Variants in SHC3 observed in about 807,000 individuals in gnomAD.
The protein encoded by SHC3 is SHC adaptor protein 3, also known as SHC-transforming protein 3.
A neutral mutation model predicts 60.4 loss-of-function variants in SHC3; 15 were observed. The observed-to-expected ratio is 0.25, with a 90% CI of 0.17 to 0.38. The LOEUF (loss-of-function observed/expected upper bound fraction) is 0.38. Among genes scored for constraint, SHC3 ranks in the 10% least tolerant of loss-of-function variants. The pLI is 1.00. For missense variants in SHC3, 677 were observed against 786.1 expected, an observed-to-expected ratio of 0.86 and a Z score of 1.66; for synonymous variants, 294 against 325.9, an observed-to-expected ratio of 0.90 and a Z score of 1.05.
intron 11 of SHC3, among the ~76,000 whole-genome samples, chr9:89,036,405 T>C (rs1445725396): frequency 1.3e-5 from 2 of 152,202 alleles, no homozygotes; most frequent in Non-Finnish European, 2.9e-5. Flanking sequence ...TGCGCCTTAG[T>C]AGCTCAGCCA....
At chr9:89,121,392 G>C (rs1412804604) in intron 1 of SHC3, among the ~76,000 whole-genome samples, 1 of 152,084 alleles carries the variant, frequency 6.6e-6, no homozygotes, top group Non-Finnish European at 1.5e-5. Flanking sequence ...CCGGGTTCAA[G>C]CGATTCTCCT....
At position 89,005,977 on chromosome 9, in the gene SHC3, G is replaced by A. The variant is rs961804893; in HGVS notation, c.*7470C>T. 21 of 152,294 alleles carry A rather than the reference G, an allele frequency of 1.4e-4. No individual in the cohort carries two copies. The highest frequency in any genetic ancestry group is 5.1e-4 in the African/African-American group (21 of 41,554). 9.4% of individuals were successfully genotyped at this position (152,294 alleles called of 1,614,324 possible). A position where few individuals can be genotyped will look rare whatever the true frequency, so the allele number is the denominator to read the frequency against. ...TCATGCTTTTAAGTTGTATCTACAA[G>A]TGCAAAACTGCAACACCCAAATGTT... On this transcript the variant is annotated 3_prime_UTR_variant, in exon 12 of 12. Coordinates refer to ENST00000375835, the MANE Select transcript of SHC3 (RefSeq NM_016848.6).
chr9:89,161,251 C>G (rs1009780515), intron 1 of SHC3, among the ~76,000 whole-genome samples: 4 of 152,174 alleles, frequency 2.6e-5, no homozygotes, highest in African/African-American at 9.7e-5. Flanking sequence ...CCCCACTGTG[C>G]TGTTCTGGCG....
At chr9:89,110,536 G>C in intron 2 of SHC3, 1 of 874,924 alleles carries the variant, frequency 1.1e-6, no homozygotes, top group Non-Finnish European at 1.4e-6. Context: ...AGACATTGCT[G>C]TGTATTCTTC....
intron 11 of SHC3, among the ~76,000 whole-genome samples, chr9:89,019,174 A>T (rs1826157306): frequency 6.6e-6 from 1 of 152,130 alleles, no homozygotes; most frequent in African/African-American, 2.4e-5. Context: ...TCACCACTCC[A>T]TTTCAATATC....
chr9:89,133,214 A>G (rs1041633946), intron 1 of SHC3, among the ~76,000 whole-genome samples: 12 of 152,236 alleles, frequency 7.9e-5, no homozygotes, highest in African/African-American at 1.4e-4. Context: ...CAATGAGATA[A>G]CATCTCACAC....
intron 1 of SHC3, among the ~76,000 whole-genome samples, chr9:89,132,862 G>A (rs1406911547): frequency 6.6e-6 from 1 of 152,170 alleles, no homozygotes; most frequent in Non-Finnish European, 1.5e-5. Flanking sequence ...AGGACTTCAT[G>A]TCTAAAACAC....
At chr9:89,054,756 C>T (rs1824921360) in intron 6 of SHC3, among the ~76,000 whole-genome samples, 1 of 152,232 alleles carries the variant, frequency 6.6e-6, no homozygotes, top group South Asian at 2.1e-4. Flanking sequence ...TCAATGTAAA[C>T]AAGGTCAGCA....
At chr9:89,177,233 C>T (rs1308761881) in intron 1 of SHC3, among the ~76,000 whole-genome samples, 1 of 152,228 alleles carries the variant, frequency 6.6e-6, no homozygotes, top group Non-Finnish European at 1.5e-5. Flanking sequence ...ATTTTATTGA[C>T]TACATCGTGA....
chr9:89,028,779 GATATAGAGAGATATAGAGAGATCAT>G (rs1824419036), intron 11 of SHC3, among the ~76,000 whole-genome samples: 1 of 142,526 alleles, frequency 7.0e-6, no homozygotes, highest in Admixed American at 7.0e-5. Flanking sequence ...TCTCTATATA[GATATAGAGAGATATAGAGAGATCAT>G]CTATATCTAT....
Position 89,071,184 on chromosome 9 carries a change from C to T in SHC3, c.783+15G>A, listed in dbSNP as rs1483699873. ...TTCCCAACAAGAGCAAGAGACCAAC[C>T]CCAAGGGTACTTACCGGGTCTCCCC... is the stretch of plus-strand genomic sequence containing the variant. On this transcript the variant is annotated intron_variant, in intron 5 of 11. Coordinates refer to ENST00000375835, the MANE Select transcript of SHC3 (RefSeq NM_016848.6). The T allele has an allele frequency of 1.2e-6, 2 of 1,607,342 alleles. No homozygotes were observed. Among genetic ancestry groups the T allele is most frequent in the South Asian group, 1.1e-5 (1 of 91,020 alleles).
At chr9:89,115,211 C>T (rs1448580086) in intron 1 of SHC3, among the ~76,000 whole-genome samples, 4 of 152,138 alleles carry the variant, frequency 2.6e-5, no homozygotes, top group South Asian at 2.1e-4. Context: ...CATGTCAATG[C>T]CACCACTGAT....
chr9:89,052,088 C>T lies in SHC3; in HGVS notation c.911G>A (p.Arg304Gln), dbSNP rs142110184. Residue 304 changes from arginine (R) to glutamine (Q), a missense_variant, in exon 7 of 12, where the codon CGG (arginine) becomes CAG (glutamine). Physicochemically the swap from Arg to Gln is conservative, Grantham distance 43. Transcript: ENST00000375835. ...AGGACACTGTAAATATTGCTTAAAC[C>T]GGAGCTCAAAGGCTTGTCCGATGGA... ...IGSIGQAFEL[R>Q]FKQYLQCPTK... The T allele has an allele frequency of 3.0e-5, 49 of 1,613,964 alleles. No individual in the cohort carries two copies. The highest frequency in any genetic ancestry group is 1.6e-4 in the Middle Eastern group (1 of 6,084).
At chr9:89,089,940 G>A (rs1825595731) in intron 2 of SHC3, among the ~76,000 whole-genome samples, 1 of 152,210 alleles carries the variant, frequency 6.6e-6, no homozygotes, top group Admixed American at 6.5e-5. Flanking sequence ...AGGGCCGCCA[G>A]CTCTAGAGGA....
At chr9:89,039,627 T>A (rs1280563188) in intron 10 of SHC3, among the ~76,000 whole-genome samples, 1 of 151,352 alleles carries the variant, frequency 6.6e-6, no homozygotes, top group Non-Finnish European at 1.5e-5. Context: ...ATCACCGCCA[T>A]CGTCGCCATC....
intron 11 of SHC3, among the ~76,000 whole-genome samples, chr9:89,016,395 G>C (rs1478611333): frequency 6.6e-6 from 1 of 152,054 alleles, no homozygotes; most frequent in African/African-American, 2.4e-5. Flanking sequence ...TCTGTATTAT[G>C]GATGGCTCTA....
chr9:89,046,941 T>C lies in SHC3; in HGVS notation c.1016A>G (p.His339Arg). 1 of 1,610,950 alleles carries C rather than the reference T, an allele frequency of 6.2e-7. No homozygotes were observed. The highest frequency in any genetic ancestry group is 8.5e-7 in the Non-Finnish European group (1 of 1,178,680). Residue 339 changes from histidine to arginine, a missense_variant, in exon 8 of 12, where the codon CAC becomes CGC. His to Arg is a conservative substitution (Grantham distance 29). Transcript: ENST00000375835. ...GCTTGGGATGCTGTTGTAGTATGGGTGGTCTGAGCCATCTCCCTCCTCTTC... is the reference window on the plus strand; with the variant it reads ...GCTTGGGATGCTGTTGTAGTATGGGCGGTCTGAGCCATCTCCCTCCTCTTC... ...WTEEEGDGSD[H>R]PYYNSIPSKM...
At chr9:89,059,556 GGTGGTGGAGGAC>G (rs967838313) in intron 6 of SHC3, among the ~76,000 whole-genome samples, 9 of 146,530 alleles carry the variant, frequency 6.1e-5, no homozygotes, top group East Asian at 2.1e-4. Flanking sequence ...GGTGGAGGGT[GGTGGTGGAGGAC>G]GTGGTGGAGG....
Position 89,006,438 on chromosome 9 carries a change from C to T in SHC3, c.*7009G>A, listed in dbSNP as rs1346076608. 2 of 152,198 alleles carry T rather than the reference C, an allele frequency of 1.3e-5. No individual in the cohort carries two copies. The highest frequency in any genetic ancestry group is 4.8e-5 in the African/African-American group (2 of 41,454). 9.4% of individuals were successfully genotyped at this position (152,198 alleles called of 1,614,324 possible). A position where few individuals can be genotyped will look rare whatever the true frequency, so the allele number is the denominator to read the frequency against. Reference sequence around the variant, plus strand: ...TGAAATTCGTTTTGCATTTCCACTCCTCAGGGATGTCAAAAAAGCCAGTTC... The same window carrying T: ...TGAAATTCGTTTTGCATTTCCACTCTTCAGGGATGTCAAAAAAGCCAGTTC... On this transcript the variant is annotated 3_prime_UTR_variant, in exon 12 of 12. Transcript: ENST00000375835.
Sources: gnomAD v4.1 joint callset for allele counts (sites outside exome capture counted in the v4.1 genomes callset) on GRCh38, gnomAD v4.1.1 for gene constraint, MANE v1.5 for transcripts, NCBI Gene and HGNC (gene_info 2026-07-23, HGNC 2026-07-21) for gene names.